The following MPP7 variants were observed in gnomAD, a reference collection of about 807,000 sequenced individuals.
MPP7 encodes the protein MAGUK p55 subfamily member 7.
Under a neutral mutation model 76.5 loss-of-function variants are expected in MPP7, and 60 were observed. The ratio of observed to expected loss-of-function variants is 0.78; its 90% CI spans 0.64 to 0.97. The LOEUF is 0.97. Among genes scored for constraint, MPP7 ranks in the 50% least tolerant of loss-of-function variants. The pLI, the probability that MPP7 is intolerant of heterozygous loss-of-function variation, is 0.00. For missense variants in MPP7, 641 were observed against 694.0 expected, an observed-to-expected ratio of 0.92 and a Z score of 0.86; for synonymous variants, 237 against 244.5, an observed-to-expected ratio of 0.97 and a Z score of 0.29.
chr10:28,151,175 G>A (rs759797681), intron 3 of MPP7, among the ~76,000 whole-genome samples: 1 of 152,180 alleles, frequency 6.6e-6, no homozygotes, highest in Non-Finnish European at 1.5e-5. Context: ...ATTGCTAAGA[G>A]AGGATTCTAT....
intron 11 of MPP7, among the ~76,000 whole-genome samples, chr10:28,105,947 C>G (rs1834310649): frequency 6.6e-6 from 1 of 152,144 alleles, no homozygotes; most frequent in African/African-American, 2.4e-5. Context: ...TTTGTCCCAA[C>G]ACAGTCTGCA....
At position 28,211,520 on chromosome 10, in the gene MPP7, C is replaced by A. The variant is rs1838138142; in HGVS notation, c.38-9249G>T. Among the ~76,000 whole-genome samples, 15 of 151,828 alleles carry A rather than the reference C, an allele frequency of 9.9e-5. No homozygotes were observed. In the South Asian group the frequency reaches 3.1e-3, roughly 32 times the overall value. ...GTCATGTTTTCTATCAGAATATTATCTTTATATAAGATATATATAACTAAC... is the reference window on the plus strand; with the variant it reads ...GTCATGTTTTCTATCAGAATATTATATTTATATAAGATATATATAACTAAC... On this transcript the variant is annotated intron_variant, in intron 2 of 16. Transcript: ENST00000683449.
chr10:28,095,516 A>C (rs1371628478), intron 11 of MPP7, among the ~76,000 whole-genome samples: 2 of 152,134 alleles, frequency 1.3e-5, no homozygotes, highest in African/African-American at 4.8e-5. Flanking sequence ...TAAAATAATG[A>C]GCGATGTGTC....
At chr10:28,234,421 A>C (rs1264756286) in intron 2 of MPP7, among the ~76,000 whole-genome samples, 1 of 152,178 alleles carries the variant, frequency 6.6e-6, no homozygotes, top group Non-Finnish European at 1.5e-5. Flanking sequence ...CTTTACCCTA[A>C]AGGAGGAGAA....
intron 3 of MPP7, among the ~76,000 whole-genome samples, chr10:28,198,297 CCAGGCGCAGTGGCT>C (rs1333101108): frequency 6.6e-6 from 1 of 152,106 alleles, no homozygotes; most frequent in African/African-American, 2.4e-5. Context: ...GAAATATAGG[CCAGGCGCAGTGGCT>C]CACACCTGTA....
chr10:28,079,893 G>A (rs1409709207), intron 12 of MPP7, among the ~76,000 whole-genome samples: 1 of 151,990 alleles, frequency 6.6e-6, no homozygotes, highest in Admixed American at 6.6e-5. Flanking sequence ...AGGCCGAGGC[G>A]GGCGCATCAC....
intron 11 of MPP7, among the ~76,000 whole-genome samples, chr10:28,099,221 G>A (rs10763642): frequency 0.25 from 37,278 of 151,858 alleles, 6,319 homozygotes; most frequent in East Asian, 0.76. Context: ...CCAAAAAATC[G>A]CACATGTAAA....
At position 28,131,703 on chromosome 10, in the gene MPP7, A is replaced by C; in HGVS notation, c.316-12T>G. The C allele has an allele frequency of 6.6e-7, 1 of 1,521,078 alleles. No homozygotes were observed. Among genetic ancestry groups the C allele is most frequent in the Non-Finnish European group, 8.9e-7 (1 of 1,126,810 alleles). 94.2% of individuals were successfully genotyped at this position (1,521,078 alleles called of 1,614,324 possible). ...ACAGAGAGCAAAGCCTGTAATATTC[A>C]AAGGTTGATTTAAATAAGTAAATAT... On this transcript the variant is annotated splice_polypyrimidine_tract_variant and intron_variant, in intron 5 of 16. Coordinates refer to ENST00000683449, the MANE Select transcript of MPP7 (RefSeq NM_001318170.2).
At chr10:28,303,733 A>G (rs1841220426), upstream of MPP7, among the ~76,000 whole-genome samples, 1 of 152,256 alleles carries the variant, frequency 6.6e-6, no homozygotes, top group Admixed American at 6.5e-5. Flanking sequence ...GGAAATCCAG[A>G]GAACTGATTC....
intron 1 of MPP7, among the ~76,000 whole-genome samples, chr10:28,302,089 T>C (rs1221773217): frequency 1.3e-5 from 2 of 151,942 alleles, no homozygotes; most frequent in Non-Finnish European, 2.9e-5. Context: ...CTTTTAAAAA[T>C]TAGAAAAAGA....
chr10:28,138,334 T>C (rs1269943021), intron 5 of MPP7, among the ~76,000 whole-genome samples: 2 of 152,130 alleles, frequency 1.3e-5, no homozygotes, highest in Admixed American at 6.6e-5. Context: ...TAGAACAATA[T>C]CCCTCCATCA....
intron 3 of MPP7, among the ~76,000 whole-genome samples, chr10:28,168,007 T>C (rs2985514): frequency 0.91 from 138,418 of 152,268 alleles, 62,972 homozygotes; most frequent in South Asian, 0.95. Flanking sequence ...GAGGCCAAGG[T>C]GGGCAGATCA....
At chr10:28,198,507 A>AGAGGTTGCAGTGGGCC (rs1312094705) in intron 3 of MPP7, among the ~76,000 whole-genome samples, 1 of 151,830 alleles carries the variant, frequency 6.6e-6, no homozygotes, top group Non-Finnish European at 1.5e-5. Context: ...CCTAGGAGGC[A>AGAGGTTGCAGTGGGCC]GAGGTTGCAG....
At chr10:28,165,381 C>A (rs1287642634) in intron 3 of MPP7, among the ~76,000 whole-genome samples, 1 of 151,934 alleles carries the variant, frequency 6.6e-6, no homozygotes, top group Non-Finnish European at 1.5e-5. Context: ...TAAAAGTTAG[C>A]CAGGCATAGT....
intron 2 of MPP7, among the ~76,000 whole-genome samples, chr10:28,229,238 G>C (rs1838797930): frequency 6.6e-6 from 1 of 152,142 alleles, no homozygotes; most frequent in African/African-American, 2.4e-5. Context: ...AACAGCCAGA[G>C]AAAGAAGCCA....
At chr10:28,109,230 G>A (rs1187511122) in intron 11 of MPP7, among the ~76,000 whole-genome samples, 1 of 152,212 alleles carries the variant, frequency 6.6e-6, no homozygotes, top group African/African-American at 2.4e-5. Flanking sequence ...AGAGGTTGCA[G>A]TGAGTGGAGA....
chr10:28,296,940 A>AT (rs1841049976), intron 1 of MPP7, among the ~76,000 whole-genome samples: 1 of 152,238 alleles, frequency 6.6e-6, no homozygotes, highest in East Asian at 1.9e-4. Context: ...CGCAGTTTAC[A>AT]TAAAATTTAA....
intron 6 of MPP7, 47 bp from the exon 7 acceptor site, chr10:28,125,138 A>AG: frequency 6.7e-7 from 1 of 1,481,918 alleles, no homozygotes; most frequent in Non-Finnish European, 9.4e-7. Flanking sequence ...TGTGTGTACT[A>AG]GGTGTTAGAA....
intron 2 of MPP7, chr10:28,203,105 C>G (rs1038620269): frequency 2.0e-5 from 3 of 152,146 alleles, no homozygotes; most frequent in Non-Finnish European, 4.4e-5. Context: ...TCAATATCAA[C>G]TCATAGCACA....
Sources: gnomAD v4.1 joint callset for allele counts (sites outside exome capture counted in the v4.1 genomes callset) on GRCh38, gnomAD v4.1.1 for gene constraint, MANE v1.5 for transcripts, NCBI Gene and HGNC (gene_info 2026-07-23, HGNC 2026-07-21) for gene names.